Variants in MYO1B observed in about 807,000 individuals in gnomAD.
The protein encoded by MYO1B is myosin IB.
MYO1B carries 72 observed loss-of-function variants against 159.7 expected under a neutral mutation model. The ratio of observed to expected loss-of-function variants is 0.45; its 90% CI spans 0.37 to 0.55. The LOEUF (loss-of-function observed/expected upper bound fraction) is 0.55, where lower values mean the gene tolerates loss of function less well. Ranked by LOEUF, MYO1B falls within the 20% of genes least tolerant of loss-of-function variation. The pLI is 0.00. For missense variants in MYO1B, 1,062 were observed against 1,364.8 expected, an observed-to-expected ratio of 0.78 and a Z score of 3.50; for synonymous variants, 468 against 473.8, an observed-to-expected ratio of 0.99 and a Z score of 0.16.
At chr2:191,409,407 C>A (rs1334989622) in intron 26 of MYO1B, among the ~76,000 whole-genome samples, 1 of 152,188 alleles carries the variant, frequency 6.6e-6, no homozygotes, top group Non-Finnish European at 1.5e-5. Flanking sequence ...GAACGGGGAG[C>A]ACAGGGCTGC....
chr2:191,317,259 T>C (rs1690411512), intron 3 of MYO1B, among the ~76,000 whole-genome samples: 1 of 152,134 alleles, frequency 6.6e-6, no homozygotes, highest in African/African-American at 2.4e-5. Context: ...GAAATGAGGA[T>C]AAAAGTGATA....
At chr2:191,355,486 C>G (rs777497151) in intron 7 of MYO1B, among the ~76,000 whole-genome samples, 1 of 152,190 alleles carries the variant, frequency 6.6e-6, no homozygotes, top group Non-Finnish European at 1.5e-5. Context: ...GGCTTTATTA[C>G]TGTTAAAGGC....
chr2:191,377,484 T>A (rs1694781458), intron 13 of MYO1B: 1 of 152,152 alleles, frequency 6.6e-6, no homozygotes, highest in Non-Finnish European at 1.5e-5. Context: ...GGAGAGGGCC[T>A]GGCTCAGGGA....
At chr2:191,341,407 A>G in intron 4 of MYO1B, 54 bp from the exon 5 acceptor site, 2 of 1,507,314 alleles carry the variant, frequency 1.3e-6, no homozygotes, top group South Asian at 2.4e-5. Flanking sequence ...CCTCCCCAAA[A>G]AGATTTTTTA....
chr2:191,362,783 A>G (rs115554459), intron 9 of MYO1B, among the ~76,000 whole-genome samples: 1,860 of 152,338 alleles, frequency 0.012, 31 homozygotes, highest in African/African-American at 0.042. Context: ...AACCCGAGCG[A>G]TTAGCATTCC....
At chr2:191,352,579 C>A (rs892279386) in intron 7 of MYO1B, among the ~76,000 whole-genome samples, 2 of 152,146 alleles carry the variant, frequency 1.3e-5, no homozygotes, top group African/African-American at 2.4e-5. Context: ...ACACTCAGTT[C>A]TTTTCCAATT....
intron 9 of MYO1B, among the ~76,000 whole-genome samples, chr2:191,362,996 G>A (rs1207435641): frequency 6.6e-6 from 1 of 152,110 alleles, no homozygotes; most frequent in African/African-American, 2.4e-5. Context: ...AAGGACATGC[G>A]GGTTCTTTCC....
intron 3 of MYO1B, among the ~76,000 whole-genome samples, chr2:191,308,329 C>G (rs1213297937): frequency 6.6e-6 from 1 of 152,156 alleles, no homozygotes; most frequent in Non-Finnish European, 1.5e-5. Context: ...TCTTAAGAAG[C>G]CATAGAAAGC....
At chr2:191,386,495 G>A (rs954615565) in intron 16 of MYO1B, among the ~76,000 whole-genome samples, 1 of 127,120 alleles carries the variant, frequency 7.9e-6, no homozygotes, top group African/African-American at 2.6e-5. Flanking sequence ...AATGACATTA[G>A]GGAAAATATT....
chr2:191,351,461 T>TA (rs11445147), intron 7 of MYO1B, among the ~76,000 whole-genome samples: 61,655 of 151,108 alleles, frequency 0.41, 12,826 homozygotes, highest in African/African-American at 0.51. Context: ...GCAGCTGATT[T>TA]AAAAAAAAAA....
chr2:191,300,518 A>G (rs1465909846), intron 3 of MYO1B, among the ~76,000 whole-genome samples: 1 of 150,388 alleles, frequency 6.6e-6, no homozygotes, highest in Admixed American at 6.6e-5. Flanking sequence ...TAATTTTTGT[A>G]TTTTTAGTAG....
rs143833979 is a variant in MYO1B at position 191,388,949 on chromosome 2, C to T, written c.1782-1343C>T. Among the ~76,000 whole-genome samples, 6 of 152,024 alleles carry T rather than the reference C, an allele frequency of 3.9e-5. No individual in the cohort carries two copies. The South Asian group carries it at 8.3e-4, about 21-fold the overall frequency. Reference sequence around the variant, plus strand: ...AACCCCAAGGTTGTGAATATATTATCGTATATTTTCTTCTAGAAGCTTTAT... The same window carrying T: ...AACCCCAAGGTTGTGAATATATTATTGTATATTTTCTTCTAGAAGCTTTAT... On this transcript the variant is annotated intron_variant, in intron 17 of 30. Transcript: ENST00000392318.
intron 2 of MYO1B, among the ~76,000 whole-genome samples, chr2:191,280,807 T>C (rs1363244728): frequency 6.6e-6 from 1 of 152,010 alleles, no homozygotes; most frequent in East Asian, 1.9e-4. Flanking sequence ...TCCTCACCGG[T>C]TTGGTAGGGA....
chr2:191,334,281 G>C (rs1460140281), intron 4 of MYO1B, among the ~76,000 whole-genome samples: 1 of 152,094 alleles, frequency 6.6e-6, no homozygotes, highest in Non-Finnish European at 1.5e-5. Flanking sequence ...ATGTCAGTAT[G>C]TGACATCCGC....
chr2:191,254,023 A>G (rs1353489143), intron 1 of MYO1B, among the ~76,000 whole-genome samples: 1 of 152,076 alleles, frequency 6.6e-6, no homozygotes, highest in African/African-American at 2.4e-5. Flanking sequence ...GATTTAGTAC[A>G]TTTCTGGTTA....
chr2:191,273,199 A>G lies in MYO1B; in HGVS notation c.-9-3688A>G, dbSNP rs553078444. 1.1e-4 allele frequency among the ~76,000 whole-genome samples: 17 copies of G among 151,240 alleles called. No homozygotes were observed. The South Asian group carries it at 2.9e-3, about 26-fold the overall frequency. ...AGTGGTGCAATCTCAGCTCACTGCA[A>G]CCTCCACTTCCTGGGTTCAAGCAAT... On this transcript the variant is annotated intron_variant, in intron 1 of 30. Transcript: ENST00000392318.
intron 29 of MYO1B, 36 bp from the exon 30 acceptor site, chr2:191,416,079 C>T: frequency 6.2e-7 from 1 of 1,601,522 alleles, no homozygotes; most frequent in Non-Finnish European, 8.5e-7. Flanking sequence ...TCTAAGGTAT[C>T]TTTAATTATG....
intron 24 of MYO1B, among the ~76,000 whole-genome samples, chr2:191,405,081 G>T (rs1696835249): frequency 6.6e-6 from 1 of 152,166 alleles, no homozygotes. Flanking sequence ...CTTGCCACTG[G>T]TTTTGTCAAC....
intron 13 of MYO1B, among the ~76,000 whole-genome samples, chr2:191,375,272 T>TGA (rs1694625230): frequency 6.6e-6 from 1 of 152,264 alleles, no homozygotes; most frequent in Non-Finnish European, 1.5e-5. Flanking sequence ...CATTGTAGTC[T>TGA]GGTAGGTACA....
Sources: gnomAD v4.1 joint callset for allele counts (sites outside exome capture counted in the v4.1 genomes callset) on GRCh38, gnomAD v4.1.1 for gene constraint, MANE v1.5 for transcripts, NCBI Gene and HGNC (gene_info 2026-07-23, HGNC 2026-07-21) for gene names.